The following COL21A1 variants were observed in gnomAD, a reference collection of about 807,000 sequenced individuals.
The protein encoded by COL21A1 is collagen alpha-1(XXI) chain.
A neutral mutation model predicts 137.9 loss-of-function variants in COL21A1; 149 were observed. That is an observed-to-expected ratio of 1.08 (90% CI 0.95 to 1.24). The LOEUF (loss-of-function observed/expected upper bound fraction) is 1.24, where lower values mean the gene tolerates loss of function less well. Among genes scored for constraint, COL21A1 ranks in the 50% most tolerant of loss-of-function variants. COL21A1 has a pLI of 0.00. For synonymous variants in COL21A1, 456 were observed against 391.5 expected, an observed-to-expected ratio of 1.16 and a Z score of -1.95; for missense variants, 1,167 against 1,158.4, an observed-to-expected ratio of 1.01 and a Z score of -0.11.
rs1763666890 is a variant in COL21A1 at position 56,276,737 on chromosome 6, G to A, written c.-38-94081C>T. 46 of 1,326,374 alleles carry A rather than the reference G, an allele frequency of 3.5e-5. No homozygotes were observed. The East Asian group carries it at 1.1e-3, about 31-fold the overall frequency. The allele number at this position is 1,326,374 out of a possible 1,614,324, so 82.2% of individuals were successfully genotyped here. On this transcript the variant is annotated intron_variant, in intron 1 of 28. Transcript: ENST00000370819. ...TCACGGCTTCCTTATAAACAGAACT[G>A]CCATCAAGTATCCAAATCATCTCTA...
At chr6:56,318,387 T>A (rs1440201108) in intron 1 of COL21A1, among the ~76,000 whole-genome samples, 1 of 152,136 alleles carries the variant, frequency 6.6e-6, no homozygotes, top group African/African-American at 2.4e-5. Flanking sequence ...GAAGTCCAAT[T>A]GGACTTCCTA....
intron 1 of COL21A1, among the ~76,000 whole-genome samples, chr6:56,300,958 C>T (rs190808174): frequency 1.3e-5 from 2 of 152,236 alleles, no homozygotes; most frequent in Non-Finnish European, 2.9e-5. Context: ...ATATTTTGAG[C>T]ATCTGTGGTA....
At chr6:56,133,057 G>A (rs895432795) in intron 12 of COL21A1, among the ~76,000 whole-genome samples, 2 of 152,180 alleles carry the variant, frequency 1.3e-5, no homozygotes, top group Admixed American at 6.5e-5. Context: ...GTAGGGTGCT[G>A]CTGAAAAGAT....
chr6:56,269,819 T>C (rs1296008289), intron 1 of COL21A1, among the ~76,000 whole-genome samples: 1 of 152,132 alleles, frequency 6.6e-6, no homozygotes, highest in Non-Finnish European at 1.5e-5. Context: ...GAATCTCATA[T>C]CCTTTCAAAC....
intron 16 of COL21A1, 123 bp from the exon 17 acceptor site, chr6:56,101,648 C>G: frequency 1.4e-6 from 1 of 704,646 alleles, no homozygotes; most frequent in Non-Finnish European, 2.4e-6. Context: ...AAAATTACTT[C>G]TGGACTACTG....
chr6:56,171,585 C>A (rs907068568), intron 3 of COL21A1, among the ~76,000 whole-genome samples: 5 of 151,820 alleles, frequency 3.3e-5, no homozygotes, highest in African/African-American at 1.2e-4. Context: ...TCTTTTCTTG[C>A]ATTCTTAGCA....
chr6:56,362,650 CCT>C (rs1011869971), intron 1 of COL21A1, among the ~76,000 whole-genome samples: 1 of 152,076 alleles, frequency 6.6e-6, no homozygotes, highest in Non-Finnish European at 1.5e-5. Context: ...CATGAAGACA[CCT>C]CTCTCTACTT....
chr6:56,371,847 G>A (rs1170569876), intron 1 of COL21A1, among the ~76,000 whole-genome samples: 4 of 152,076 alleles, frequency 2.6e-5, no homozygotes, highest in African/African-American at 9.7e-5. Context: ...AGCTCCCTGG[G>A]CCATCAGAGA....
chr6:56,143,807 A>G (rs1256740844), intron 10 of COL21A1, among the ~76,000 whole-genome samples: 3 of 152,086 alleles, frequency 2.0e-5, no homozygotes, highest in Admixed American at 6.6e-5. Context: ...TCATTTCTGT[A>G]TTTTTGGCAT....
chr6:56,169,339 G>A (rs1776844356), intron 5 of COL21A1, among the ~76,000 whole-genome samples: 1 of 151,850 alleles, frequency 6.6e-6, no homozygotes, highest in Non-Finnish European at 1.5e-5. Context: ...CCCAGGACCT[G>A]GCCTAATTTA....
chr6:56,109,485 A>G (rs1483950222), intron 16 of COL21A1, among the ~76,000 whole-genome samples: 1 of 151,898 alleles, frequency 6.6e-6, no homozygotes, highest in Non-Finnish European at 1.5e-5. Flanking sequence ...AGTGAAGCTT[A>G]TTATTATTGA....
intron 3 of COL21A1, among the ~76,000 whole-genome samples, chr6:56,173,097 A>G (rs1317022689): frequency 2.0e-5 from 3 of 152,218 alleles, no homozygotes; most frequent in African/African-American, 7.2e-5. Flanking sequence ...CAAAGTACAT[A>G]GAGAGACTGA....
intron 5 of COL21A1, among the ~76,000 whole-genome samples, chr6:56,170,353 T>A (rs1776938878): frequency 6.6e-6 from 1 of 151,888 alleles, no homozygotes; most frequent in East Asian, 1.9e-4. Context: ...TATTAGTTTG[T>A]CTGCAAAATG....
At chr6:56,152,288 T>G (rs1031846627) in intron 10 of COL21A1, among the ~76,000 whole-genome samples, 3 of 152,172 alleles carry the variant, frequency 2.0e-5, no homozygotes, top group African/African-American at 7.2e-5. Context: ...TGCCTCCCTT[T>G]TATAAAGACT....
rs368373933 is a variant in COL21A1 at position 56,141,834 on chromosome 6, G to A, written c.1493C>T (p.Ala498Val). ...GVPGSPGIQG[A>V]RGLPGYKGEP... The stretch of plus-strand genomic sequence containing the variant: ...TCCTTTGTAACCTGGTAGTCCTCGA[G>A]CTCCCTAAATTAACCAGAAAATAAA... Residue 498 changes from alanine to valine, a missense_variant, in exon 12 of 30, where the codon GCT becomes GTT. Ala to Val is a moderately conservative substitution (Grantham distance 64). Transcript: ENST00000244728. 1.2e-6 allele frequency: 2 copies of A among 1,613,416 alleles called. No individual in the cohort carries two copies. Among genetic ancestry groups the A allele is most frequent in the African/African-American group, 1.3e-5 (1 of 74,852 alleles).
intron 21 of COL21A1, 100 bp from the exon 22 acceptor site, chr6:56,069,217 A>T (rs1766523803): frequency 6.3e-6 from 4 of 639,698 alleles, no homozygotes; most frequent in African/African-American, 1.9e-5. Flanking sequence ...ATGAATGGTT[A>T]AAAAAATGTA....
At chr6:56,186,662 T>A (rs1041614998) in intron 1 of COL21A1, among the ~76,000 whole-genome samples, 5 of 152,156 alleles carry the variant, frequency 3.3e-5, no homozygotes, top group Admixed American at 1.3e-4. Context: ...AGACACAAGA[T>A]TAATGGTTTC....
chr6:56,203,136 C>T (rs1336780488), intron 1 of COL21A1, among the ~76,000 whole-genome samples: 1 of 152,096 alleles, frequency 6.6e-6, no homozygotes, highest in Non-Finnish European at 1.5e-5. Context: ...AATAAAACTT[C>T]TAAGACTAAT....
chr6:56,153,692 T>C (rs969560852), intron 10 of COL21A1, among the ~76,000 whole-genome samples: 1 of 152,116 alleles, frequency 6.6e-6, no homozygotes, highest in African/African-American at 2.4e-5. Context: ...GTGTAGCAAA[T>C]CCATGGTCTA....
Sources: gnomAD v4.1 joint callset for allele counts (sites outside exome capture counted in the v4.1 genomes callset) on GRCh38, gnomAD v4.1.1 for gene constraint, MANE v1.5 for transcripts, NCBI Gene and HGNC (gene_info 2026-07-23, HGNC 2026-07-21) for gene names.